Variants in ARL6IP1 observed in about 807,000 individuals in gnomAD.
ARL6IP1 encodes ADP-ribosylation factor-like protein 6-interacting protein 1.
ARL6IP1 carries 16 observed loss-of-function variants against 30.1 expected under a neutral mutation model. The ratio of observed to expected loss-of-function variants is 0.53; its 90% confidence interval spans 0.36 to 0.81. The LOEUF (loss-of-function observed/expected upper bound fraction) is 0.81. Among genes scored for constraint, ARL6IP1 ranks in the 30% least tolerant of loss-of-function variants. The pLI is 0.01. For synonymous variants in ARL6IP1, 72 were observed against 84.8 expected (o/e 0.85, Z 0.83); for missense variants, 173 against 242.7 (o/e 0.71, Z 1.91).
intron 1 of ARL6IP1, among the ~76,000 whole-genome samples, chr16:18,799,553 T>C (rs1180632212): frequency 6.6e-6 from 1 of 152,216 alleles, no homozygotes; most frequent in Admixed American, 6.5e-5. Flanking sequence ...ATGGTTAGAA[T>C]TGATCCGTTG....
chr16:18,793,091 C>A lies in ARL6IP1; in HGVS notation c.*161G>T, dbSNP rs1596942888. The A allele has an allele frequency of 9.0e-6, 5 of 555,452 alleles. No homozygotes were observed. The East Asian group carries it at 1.5e-4, about 17-fold the overall frequency. The allele number at this position is 555,452 out of a possible 1,614,324, so 34.4% of individuals were successfully genotyped here. The stretch of plus-strand genomic sequence containing the variant: ...CTATACGCGACATGAAGACACTATG[C>A]ACGAAGCCTTACTTGGCGAGTCTGA... On this transcript the variant is annotated 3_prime_UTR_variant, in exon 6 of 6. Transcript: ENST00000304414.
At chr16:18,794,574 C>A (rs762487685) in intron 5 of ARL6IP1, 25 bp downstream of exon 5, 1 of 1,581,590 alleles carries the variant, frequency 6.3e-7, no homozygotes, top group Admixed American at 1.7e-5. Flanking sequence ...CAGGATGTGC[C>A]TGTAGTTTTT....
rs1001543398 is a variant in ARL6IP1, at chr16:18,797,951, C to T, written c.264G>A (p.Ala88=). 19 of 1,612,790 alleles carry T rather than the reference C, an allele frequency of 1.2e-5. No individual in the cohort carries two copies. The highest frequency in any genetic ancestry group is 1.7e-5 in the Admixed American group (1 of 59,710). ...ATTTATTGGAGCCAAAAATTCTAGG[C>T]GCTAGAATGGGAACAAGGTAGTCAG... ...CLADYLVPIL[A]PRIFGSNKWT... The change falls in exon 3 of 6, where the codon GCG becomes GCA. Residue 88 remains alanine, a synonymous_variant. Coordinates refer to ENST00000304414, the MANE Select transcript of ARL6IP1 (RefSeq NM_015161.3).
At chr16:18,797,367 G>T (rs60791150) in intron 3 of ARL6IP1, among the ~76,000 whole-genome samples, 44,466 of 146,972 alleles carry the variant, frequency 0.3, 7,333 homozygotes, top group Non-Finnish European at 0.37. Context: ...GGGCAACAGA[G>T]CGAGCCTCCA....
intron 1 of ARL6IP1, 37 bp from the exon 2 acceptor site, chr16:18,798,871 ACT>A (rs766358166): frequency 6.3e-7 from 1 of 1,580,788 alleles, no homozygotes; most frequent in Non-Finnish European, 8.6e-7. Context: ...TCATTTTACC[ACT>A]CTCAACATTT....
At chr16:18,800,032 G>C (rs927362107) in intron 1 of ARL6IP1, among the ~76,000 whole-genome samples, 1 of 152,168 alleles carries the variant, frequency 6.6e-6, no homozygotes, top group African/African-American at 2.4e-5. Flanking sequence ...TTGTCTCTTT[G>C]TAAAAGTCAT....
chr16:18,798,518 C>A, intron 2 of ARL6IP1, 183 bp downstream of exon 2: 1 of 630,862 alleles, frequency 1.6e-6, no homozygotes, highest in Non-Finnish European at 2.4e-6. Context: ...CTTTAGGTTA[C>A]CAAGTTTACA....
chr16:18,798,924 C>T (rs2030324315), intron 1 of ARL6IP1, 90 bp from the exon 2 acceptor site: 5 of 1,352,990 alleles, frequency 3.7e-6, no homozygotes, highest in Admixed American at 5.1e-5. Flanking sequence ...GCTCCAAATA[C>T]AAAAAATAAC....
Position 18,792,994 on chromosome 16 carries a change from A to G in ARL6IP1, c.*258T>C, listed in dbSNP as rs1206776930. ...GAAGTTGTCTAAAAGCAAGAATTCA[A>G]TTAACGCTGGGTAAGAAAAGTCAAA... On this transcript the variant is annotated 3_prime_UTR_variant, in exon 6 of 6. Coordinates refer to ENST00000304414, the MANE Select transcript of ARL6IP1 (RefSeq NM_015161.3). The G allele has an allele frequency of 1.0e-5, 3 of 300,236 alleles. No individual in the cohort carries two copies. The highest frequency in any genetic ancestry group is 1.8e-5 in the Non-Finnish European group (3 of 162,460). 18.6% of individuals were successfully genotyped at this position (300,236 alleles called of 1,614,324 possible).
Position 18,798,880 on chromosome 16 carries a change from AT to A in ARL6IP1, c.37-47del. Reference sequence around the variant, plus strand: ...AAGTGATCATTTTACCACTCTCAACATTTTTGTGGTTCATAGACTTCAATTA... The same window carrying A: ...AAGTGATCATTTTACCACTCTCAACATTTTGTGGTTCATAGACTTCAATTA... On this transcript the variant is annotated intron_variant, in intron 1 of 5. Coordinates refer to ENST00000304414, the MANE Select transcript of ARL6IP1 (RefSeq NM_015161.3). 4 of 1,566,338 alleles carry A rather than the reference AT, an allele frequency of 2.6e-6. No individual in the cohort carries two copies. In the South Asian group the frequency reaches 3.6e-5, roughly 14 times the overall value.
intron 3 of ARL6IP1, 69 bp downstream of exon 3, chr16:18,797,856 A>C: frequency 6.4e-7 from 1 of 1,558,540 alleles, no homozygotes. Context: ...TATTTACAGC[A>C]TACTAATCAC....
chr16:18,792,155 G>C lies in ARL6IP1; in HGVS notation c.*1097C>G, dbSNP rs1259291245. 6.6e-6 allele frequency: 1 copy of C among 152,158 alleles called. No individual in the cohort carries two copies. The highest frequency in any genetic ancestry group is 1.9e-4 in the East Asian group (1 of 5,198). 9.4% of individuals were successfully genotyped at this position (152,158 alleles called of 1,614,324 possible). The stretch of plus-strand genomic sequence containing the variant: ...AGTTATGAAATCTTTGTAGACCAGA[G>C]GCCAACTATCATCACCTCAAGTCTG... On this transcript the variant is annotated 3_prime_UTR_variant, in exon 6 of 6. Transcript: ENST00000304414.
In ARL6IP1 at chr16:18,791,684, T is replaced by C. The variant is rs1044031192; in HGVS notation, c.*1568A>G. ...GTGAGACATGAAGATTCCAGCTTTTTTTATTTTTTCCCCTTTTACACAAAA... is the reference window on the plus strand; with the variant it reads ...GTGAGACATGAAGATTCCAGCTTTTCTTATTTTTTCCCCTTTTACACAAAA... On this transcript the variant is annotated 3_prime_UTR_variant, in exon 6 of 6. Coordinates refer to ENST00000304414, the MANE Select transcript of ARL6IP1 (RefSeq NM_015161.3). 1 of 152,214 alleles carries C rather than the reference T, an allele frequency of 6.6e-6. No homozygotes were observed. The highest frequency in any genetic ancestry group is 1.5e-5 in the Non-Finnish European group (1 of 68,042). 9.4% of individuals were successfully genotyped at this position (152,214 alleles called of 1,614,324 possible). A position where few individuals can be genotyped will look rare whatever the true frequency, so the allele number is the denominator to read the frequency against.
intron 1 of ARL6IP1, 139 bp downstream of exon 1, chr16:18,801,292 G>A: frequency 6.7e-7 from 1 of 1,492,816 alleles, no homozygotes; most frequent in Admixed American, 2.4e-5. Context: ...CAAGAAGCCC[G>A]AGGGCCAGGC....
In ARL6IP1 at chr16:18,795,599, C is replaced by T. The variant is rs558160589; in HGVS notation, c.291-18G>A. On this transcript the variant is annotated intron_variant, in intron 3 of 5. Transcript: ENST00000304414. ...CAGTGGTCCTAGAAAAGAAATTTGC[C>T]TTTTGCTATAAACAAATCGTTACAG... 21 of 1,593,396 alleles carry T rather than the reference C, an allele frequency of 1.3e-5. No homozygotes were observed. In the African/African-American group the frequency reaches 2.5e-4, roughly 19 times the overall value.
At chr16:18,800,895 C>T (rs909467564) in intron 1 of ARL6IP1, among the ~76,000 whole-genome samples, 1 of 152,136 alleles carries the variant, frequency 6.6e-6, no homozygotes, top group Non-Finnish European at 1.5e-5. Flanking sequence ...ATCCCATTGT[C>T]TGTTCAGCTG....
rs2030121060 is a variant in ARL6IP1 at position 18,793,225 on chromosome 16, T to C, written c.*27A>G. 1 of 1,491,424 alleles carries C rather than the reference T, an allele frequency of 6.7e-7. No homozygotes were observed. The highest frequency in any genetic ancestry group is 1.1e-5 in the South Asian group (1 of 87,058). The allele number at this position is 1,491,424 out of a possible 1,614,324, so 92.4% of individuals were successfully genotyped here. A position where few individuals can be genotyped will look rare whatever the true frequency, so the allele number is the denominator to read the frequency against. ...GGTTCCCGGGGCAATGGGTGCTGCA[T>C]TAATCACACTGATTAAAGCAGATGA... On this transcript the variant is annotated 3_prime_UTR_variant, in exon 6 of 6. Transcript: ENST00000304414.
intron 1 of ARL6IP1, among the ~76,000 whole-genome samples, chr16:18,799,620 G>A (rs1408763150): frequency 6.6e-6 from 1 of 152,136 alleles, no homozygotes; most frequent in Non-Finnish European, 1.5e-5. Context: ...GACTTTCCCT[G>A]AATAGCATTC....
rs2030409271 is a variant in ARL6IP1, at chr16:18,801,457, C to T, written c.10G>A (p.Gly4Arg). The T allele has an allele frequency of 9.3e-6, 15 of 1,612,970 alleles. No individual in the cohort carries two copies. The highest frequency in any genetic ancestry group is 1.1e-5 in the Non-Finnish European group (13 of 1,179,730). Reference sequence around the variant, plus strand: ...AGCAGGTTGGTGCTGCGATTATCTCCCTCCGCCATCGTCTCGGGGATGCAG... The same window carrying T: ...AGCAGGTTGGTGCTGCGATTATCTCTCTCCGCCATCGTCTCGGGGATGCAG... MAE[G>R]DNRSTNLLAA... The change falls in exon 1 of 6, where the codon GGA becomes AGA. Residue 4 changes from glycine (G) to arginine (R), a missense_variant. Coordinates refer to ENST00000304414, the MANE Select transcript of ARL6IP1 (RefSeq NM_015161.3).
Sources: allele counts gnomAD v4.1 joint callset (sites outside exome capture counted in the v4.1 genomes callset), GRCh38; gene constraint gnomAD v4.1.1; transcripts MANE v1.5; gene names NCBI Gene and HGNC (gene_info 2026-07-23, HGNC 2026-07-21).